Variants in BICC1 observed in about 807,000 individuals in gnomAD.
The protein encoded by BICC1 is BicC family RNA binding protein 1.
A neutral mutation model predicts 111.0 loss-of-function variants in BICC1; 43 were observed. The ratio of observed to expected loss-of-function variants is 0.39; its 90% CI spans 0.30 to 0.50. The LOEUF is 0.50. Ranked by LOEUF, BICC1 falls within the 20% of genes least tolerant of loss-of-function variation. The probability of loss-of-function intolerance (pLI) is 0.88; values close to 1 mark genes in which losing one functional copy is unlikely to be tolerated. For synonymous variants in BICC1, 467 were observed against 434.4 expected, an observed-to-expected ratio of 1.07 and a Z score of -0.93; for missense variants, 1,091 against 1,203.2, an observed-to-expected ratio of 0.91 and a Z score of 1.38.
intron 1 of BICC1, among the ~76,000 whole-genome samples, chr10:58,518,699 A>G (rs1842310845): frequency 6.6e-6 from 1 of 151,986 alleles, no homozygotes; most frequent in Non-Finnish European, 1.5e-5. Flanking sequence ...TGCAATTAAA[A>G]TTGCTTTATA....
At chr10:58,575,336 A>T (rs1844080201) in intron 1 of BICC1, among the ~76,000 whole-genome samples, 1 of 151,916 alleles carries the variant, frequency 6.6e-6, no homozygotes, top group African/African-American at 2.4e-5. Flanking sequence ...GACACTCCGC[A>T]CACTGCTCCG....
chr10:58,698,829 G>T (rs961829071), intron 2 of BICC1, among the ~76,000 whole-genome samples: 3 of 152,220 alleles, frequency 2.0e-5, no homozygotes, highest in African/African-American at 7.2e-5. Context: ...GGAGGAAATT[G>T]AGATTGATAG....
In BICC1 at chr10:58,524,961, A is replaced by G. The variant is rs543569151; in HGVS notation, c.190+11628A>G. ...TTGCAGCCAACAGACACATGAAAAA[A>G]TGCTCATCATCACTGGCCATCAGAG... On this transcript the variant is annotated intron_variant, in intron 1 of 20. Coordinates refer to ENST00000373886, the MANE Select transcript of BICC1 (RefSeq NM_001080512.3). Among the ~76,000 whole-genome samples, 27 of 152,154 alleles carry G rather than the reference A, an allele frequency of 1.8e-4. 3 individuals are homozygous for G. In the South Asian group the frequency reaches 5.6e-3, roughly 32 times the overall value.
rs547395672 is a variant in BICC1, at chr10:58,764,145, G to T, written c.308-20856G>T. ...GAGTGAGGAAACTGAGTTCACTTCAGTAGACCCAGGACTCATACCTGTATT... is the reference window on the plus strand; with the variant it reads ...GAGTGAGGAAACTGAGTTCACTTCATTAGACCCAGGACTCATACCTGTATT... On this transcript the variant is annotated intron_variant, in intron 3 of 20. Transcript: ENST00000373886. Among the ~76,000 whole-genome samples, 3 of 152,290 alleles carry T rather than the reference G, an allele frequency of 2.0e-5. No homozygotes were observed. In the East Asian group the frequency reaches 5.8e-4, roughly 29 times the overall value.
In BICC1 at chr10:58,751,272, C is replaced by T. The variant is rs535139314; in HGVS notation, c.308-33729C>T. ...AACGTTCCTTTTTATTTCTATACTA[C>T]TAAAGTGATTCTAATATAAATGGTA... On this transcript the variant is annotated intron_variant, in intron 3 of 20. Coordinates refer to ENST00000373886, the MANE Select transcript of BICC1 (RefSeq NM_001080512.3). Among the ~76,000 whole-genome samples the T allele has an allele frequency of 4.6e-5, 7 of 152,232 alleles. No homozygotes were observed. In the South Asian group the frequency reaches 6.2e-4, roughly 14 times the overall value.
At chr10:58,527,691 A>G (rs1186838449) in intron 1 of BICC1, among the ~76,000 whole-genome samples, 4 of 152,104 alleles carry the variant, frequency 2.6e-5, no homozygotes, top group African/African-American at 9.7e-5. Flanking sequence ...TCCTTTCCCC[A>G]TTTCTTGTTT....
intron 3 of BICC1, among the ~76,000 whole-genome samples, chr10:58,732,350 T>C (rs1205654910): frequency 1.2e-4 from 2 of 16,806 alleles, no homozygotes; most frequent in African/African-American, 5.8e-4. Context: ...GGAAGAGGAG[T>C]GTATGTGTGT....
chr10:58,695,779 A>G (rs1220267947), intron 2 of BICC1, among the ~76,000 whole-genome samples: 1 of 152,168 alleles, frequency 6.6e-6, no homozygotes, highest in Non-Finnish European at 1.5e-5. Context: ...ACATTGGTAG[A>G]TATGTTCTCT....
intron 2 of BICC1, among the ~76,000 whole-genome samples, chr10:58,646,683 C>T (rs534069273): frequency 9.2e-5 from 14 of 152,114 alleles, no homozygotes; most frequent in African/African-American, 2.6e-4. Context: ...GCCGAAATGA[C>T]GGGAGAAACA....
chr10:58,619,992 C>A (rs1315993413), intron 1 of BICC1, among the ~76,000 whole-genome samples: 1 of 152,170 alleles, frequency 6.6e-6, no homozygotes, highest in Non-Finnish European at 1.5e-5. Context: ...CAGTACCTTT[C>A]TTTGTCCTGG....
At position 58,779,495 on chromosome 10, in the gene BICC1, C is replaced by T. The variant is rs951898313; in HGVS notation, c.308-5506C>T. On this transcript the variant is annotated intron_variant, in intron 3 of 20. Transcript: ENST00000373886. The stretch of plus-strand genomic sequence containing the variant: ...AACATTTTAGATTTTAAGTGAGCTA[C>T]CTACCATGAGTTATCAAAAATTGTA... Among the ~76,000 whole-genome samples, 23 of 152,306 alleles carry T rather than the reference C, an allele frequency of 1.5e-4. 1 individual carries two copies. The highest frequency in any genetic ancestry group is 3.3e-4 in the Admixed American group (5 of 15,294).
intron 2 of BICC1, among the ~76,000 whole-genome samples, chr10:58,651,326 A>G (rs1381574980): frequency 6.6e-6 from 1 of 152,218 alleles, no homozygotes. Context: ...TGTGGAGGAC[A>G]TCACCCACCA....
At chr10:58,533,890 A>T (rs531090027) in intron 1 of BICC1, among the ~76,000 whole-genome samples, 1 of 151,958 alleles carries the variant, frequency 6.6e-6, no homozygotes, top group South Asian at 2.1e-4. Flanking sequence ...GCCATACAGA[A>T]CACAATTAAA....
intron 20 of BICC1, among the ~76,000 whole-genome samples, chr10:58,824,647 A>C (rs971282495): frequency 2.0e-5 from 3 of 152,150 alleles, no homozygotes; most frequent in Non-Finnish European, 4.4e-5. Flanking sequence ...GTAACTTCAC[A>C]ATTCAAAAGG....
chr10:58,762,269 G>A (rs556133204), intron 3 of BICC1, among the ~76,000 whole-genome samples: 2 of 152,198 alleles, frequency 1.3e-5, no homozygotes, highest in South Asian at 4.1e-4. Context: ...GAGACAAAAC[G>A]AAAATGTAAG....
chr10:58,652,404 G>C (rs895817925), intron 2 of BICC1, among the ~76,000 whole-genome samples: 1 of 152,010 alleles, frequency 6.6e-6, no homozygotes, highest in South Asian at 2.1e-4. Flanking sequence ...TCTTTTGCTC[G>C]TAAATCTGAA....
At position 58,816,634 on chromosome 10, in the gene BICC1, A is replaced by G. The variant is rs76212109; in HGVS notation, c.2534-928A>G. Among the ~76,000 whole-genome samples, 14 of 152,002 alleles carry G rather than the reference A, an allele frequency of 9.2e-5. No homozygotes were observed. The East Asian group carries it at 2.7e-3, about 30-fold the overall frequency. On this transcript the variant is annotated intron_variant, in intron 18 of 20. Transcript: ENST00000373886. Reference sequence around the variant, plus strand: ...GTTGTCCTCCCTCACCTCTTTGGGGATCTCTCCTGAAGCCACATCCTTGGT... The same window carrying G: ...GTTGTCCTCCCTCACCTCTTTGGGGGTCTCTCCTGAAGCCACATCCTTGGT...
intron 3 of BICC1, among the ~76,000 whole-genome samples, chr10:58,769,232 C>G (rs1032595750): frequency 2.0e-5 from 3 of 151,182 alleles, no homozygotes; most frequent in Non-Finnish European, 4.4e-5. Flanking sequence ...GTGACTATAG[C>G]TCATAATATA....
At chr10:58,752,210 C>T (rs1842009063) in intron 3 of BICC1, among the ~76,000 whole-genome samples, 1 of 152,142 alleles carries the variant, frequency 6.6e-6, no homozygotes, top group African/African-American at 2.4e-5. Flanking sequence ...AAGAGCCTCA[C>T]AGTGTGACAT....
Sources: gnomAD v4.1 joint callset for allele counts (sites outside exome capture counted in the v4.1 genomes callset) on GRCh38, gnomAD v4.1.1 for gene constraint, MANE v1.5 for transcripts, NCBI Gene and HGNC (gene_info 2026-07-23, HGNC 2026-07-21) for gene names.